Variants in CPNE3 observed in about 807,000 individuals in gnomAD.
CPNE3 encodes copine 3.
CPNE3 carries 68 observed loss-of-function variants against 63.9 expected under a neutral mutation model. That is an observed-to-expected ratio of 1.06 (90% confidence interval 0.87 to 1.30). The LOEUF (loss-of-function observed/expected upper bound fraction) is 1.30. Among genes scored for constraint, CPNE3 ranks in the 50% most tolerant of loss-of-function variants. CPNE3 has a pLI of 0.00. For missense variants in CPNE3, 665 were observed against 578.1 expected (o/e 1.15, Z -1.54); for synonymous variants, 219 against 197.5 (o/e 1.11, Z -0.91).
intron 13 of CPNE3, 34 bp downstream of exon 13, chr8:86,551,134 C>T: frequency 6.2e-7 from 1 of 1,613,010 alleles, no homozygotes; most frequent in Non-Finnish European, 8.5e-7. Context: ...AGCTTTGCCT[C>T]CTAGAAAAGC....
intron 5 of CPNE3, among the ~76,000 whole-genome samples, chr8:86,531,732 A>G (rs1820688314): frequency 6.6e-6 from 1 of 152,102 alleles, no homozygotes; most frequent in African/African-American, 2.4e-5. Flanking sequence ...ATTGCTGATT[A>G]CTGGCTTTAA....
chr8:86,556,775 A>G (rs1175714363), intron 16 of CPNE3, among the ~76,000 whole-genome samples: 1 of 152,158 alleles, frequency 6.6e-6, no homozygotes, highest in African/African-American at 2.4e-5. Flanking sequence ...CATCATAAGG[A>G]TCCCCCTGGT....
intron 14 of CPNE3, 83 bp downstream of exon 14, chr8:86,551,317 T>A: frequency 1.0e-6 from 1 of 998,714 alleles, no homozygotes; most frequent in Non-Finnish European, 1.5e-6. Flanking sequence ...TTTGTTTTTT[T>A]TCTTGTGATT....
At chr8:86,520,234 T>A (rs970233661) in intron 2 of CPNE3, among the ~76,000 whole-genome samples, 1 of 152,190 alleles carries the variant, frequency 6.6e-6, no homozygotes, top group South Asian at 2.1e-4. Context: ...AGAAAGGGAT[T>A]GACTCAACTC....
rs1446598913 is a variant in CPNE3, at chr8:86,560,552, A to G, written c.*2142A>G. 6.6e-6 allele frequency: 1 copy of G among 151,670 alleles called. No homozygotes were observed. Among genetic ancestry groups the G allele is most frequent in the Non-Finnish European group, 1.5e-5 (1 of 67,976 alleles). The allele number at this position is 151,670 out of a possible 1,614,324, so 9.4% of individuals were successfully genotyped here. On this transcript the variant is annotated 3_prime_UTR_variant, in exon 17 of 17. Transcript: ENST00000517490. ...CTGTCAATTGGATTTGGTCTTCATT[A>G]TTTTATATTCTGATTTTATCAGAAT...
chr8:86,541,919 T>C (rs1820950825), intron 8 of CPNE3, among the ~76,000 whole-genome samples: 2 of 152,260 alleles, frequency 1.3e-5, no homozygotes, highest in East Asian at 1.9e-4. Flanking sequence ...ATATTAAAAA[T>C]AGTAAACATC....
intron 3 of CPNE3, 38 bp downstream of exon 3, chr8:86,528,715 TACCCTTTTAACAA>T (rs1820598551): frequency 6.3e-7 from 1 of 1,577,614 alleles, no homozygotes; most frequent in Non-Finnish European, 8.6e-7. Context: ...TAATCTGAAT[TACCCTTTTAACAA>T]TGTGAAGAGT....
At chr8:86,544,596 C>A (rs1015894597) in intron 8 of CPNE3, 144 bp from the exon 9 acceptor site, 5 of 318,920 alleles carry the variant, frequency 1.6e-5, no homozygotes, top group Non-Finnish European at 2.7e-5. Context: ...TTAATTCCTA[C>A]TGTCCCAAGT....
intron 12 of CPNE3, among the ~76,000 whole-genome samples, chr8:86,549,147 A>G (rs1237204066): frequency 2.6e-5 from 4 of 152,140 alleles, no homozygotes; most frequent in Non-Finnish European, 5.9e-5. Context: ...TTTGTCTATT[A>G]TTATTTTATT....
chr8:86,522,277 G>A (rs1424531742), intron 2 of CPNE3, among the ~76,000 whole-genome samples: 1 of 152,100 alleles, frequency 6.6e-6, no homozygotes, highest in African/African-American at 2.4e-5. Flanking sequence ...TAGCTAAGTA[G>A]CTAAGTATTT....
chr8:86,551,093 A>T lies in CPNE3; in HGVS notation c.1061A>T (p.Gln354Leu). The change falls in exon 13 of 17, where the codon CAG becomes CTG. Residue 354 changes from glutamine (Q) to leucine (L), a missense_variant. Coordinates refer to ENST00000517490, the MANE Select transcript of CPNE3 (RefSeq NM_003909.5). ...GGTTTTGGCGCTCAGATACCTCCTC[A>T]GTGGCAGGTAAGAGGAAATCTCTAT... is the stretch of plus-strand genomic sequence containing the variant. ...AFGFGAQIPP[Q>L]WQVSHEFPMN... The T allele has an allele frequency of 6.2e-7, 1 of 1,612,724 alleles. No homozygotes were observed. The highest frequency in any genetic ancestry group is 8.5e-7 in the Non-Finnish European group (1 of 1,179,282).
chr8:86,525,448 A>C (rs1229419219), intron 2 of CPNE3, among the ~76,000 whole-genome samples: 1 of 152,204 alleles, frequency 6.6e-6, no homozygotes, highest in Non-Finnish European at 1.5e-5. Flanking sequence ...TCCATTTGCC[A>C]TTCAGCCATA....
chr8:86,520,533 G>A (rs1463229669), intron 2 of CPNE3, among the ~76,000 whole-genome samples: 5 of 148,524 alleles, frequency 3.4e-5, no homozygotes, highest in African/African-American at 1.2e-4. Context: ...CAGCATGGGC[G>A]ACAAGAGTGA....
chr8:86,554,415 C>T (rs1392701766), intron 14 of CPNE3, among the ~76,000 whole-genome samples: 2 of 152,180 alleles, frequency 1.3e-5, no homozygotes, highest in Admixed American at 6.5e-5. Context: ...TTAGGTTTAT[C>T]GCCATCTGGT....
In CPNE3 at chr8:86,558,552, ATTCT is replaced by A. The variant is rs1300240280; in HGVS notation, c.*147_*150del. 1.5e-6 allele frequency: 1 copy of A among 669,224 alleles called. No individual in the cohort carries two copies. The highest frequency in any genetic ancestry group is 1.8e-5 in the African/African-American group (1 of 56,702). 41.5% of individuals were successfully genotyped at this position (669,224 alleles called of 1,614,324 possible). A position where few individuals can be genotyped will look rare whatever the true frequency, so the allele number is the denominator to read the frequency against. ...TCTATGGATTATATCTGTTTAAAGC[ATTCT>A]TTCTAGGTTATTTTGGGGGGACAGT... On this transcript the variant is annotated 3_prime_UTR_variant, in exon 17 of 17. Coordinates refer to ENST00000517490, the MANE Select transcript of CPNE3 (RefSeq NM_003909.5).
chr8:86,546,659 T>A lies in CPNE3; in HGVS notation c.797T>A (p.Val266Asp), dbSNP rs768903401. 6.2e-7 allele frequency: 1 copy of A among 1,613,536 alleles called. No individual in the cohort carries two copies. Among genetic ancestry groups the A allele is most frequent in the South Asian group, 1.1e-5 (1 of 90,896 alleles). ...AAAAAAAGCTACAAGAATTCAGGTG[T>A]TATCAGTGTGAAACAGTGTGAGGTC... ...QKKKSYKNSG[V>D]ISVKQCEITV... is the part of the protein sequence containing the mutation. Residue 266 changes from valine to aspartate, a missense_variant, in exon 10 of 17, where the codon GTT becomes GAT. Val to Asp is a radical substitution (Grantham distance 152). Transcript: ENST00000517490.
intron 4 of CPNE3, among the ~76,000 whole-genome samples, chr8:86,530,319 G>A (rs773255054): frequency 1.3e-5 from 2 of 151,948 alleles, no homozygotes; most frequent in Non-Finnish European, 2.9e-5. Context: ...ATAAGCACAC[G>A]CCACTGCACC....
chr8:86,520,569 T>C (rs1179548568), intron 2 of CPNE3, among the ~76,000 whole-genome samples: 1 of 149,818 alleles, frequency 6.7e-6, no homozygotes, highest in East Asian at 1.9e-4. Context: ...AAAAAAAAGA[T>C]TTAACAGCTG....
At chr8:86,536,123 T>C (rs1820798545) in intron 6 of CPNE3, among the ~76,000 whole-genome samples, 1 of 151,912 alleles carries the variant, frequency 6.6e-6, no homozygotes, top group Non-Finnish European at 1.5e-5. Flanking sequence ...CTTTCCTCCA[T>C]GTAGATAATA....
Sources: allele counts gnomAD v4.1 joint callset (sites outside exome capture counted in the v4.1 genomes callset), GRCh38; gene constraint gnomAD v4.1.1; transcripts MANE v1.5; gene names NCBI Gene and HGNC (gene_info 2026-07-23, HGNC 2026-07-21).